The following POLE2 variants were observed in gnomAD, a reference collection of about 807,000 sequenced individuals.
POLE2 encodes DNA polymerase epsilon subunit 2.
POLE2 carries 56 observed loss-of-function variants against 79.4 expected under a neutral mutation model. The ratio of observed to expected loss-of-function variants is 0.71; its 90% CI spans 0.57 to 0.88. The LOEUF (loss-of-function observed/expected upper bound fraction) is 0.88, where lower values mean the gene tolerates loss of function less well. Ranked by LOEUF, POLE2 falls within the 40% of genes least tolerant of loss-of-function variation. The pLI, the probability that POLE2 is intolerant of heterozygous loss-of-function variation, is 0.00. For synonymous variants in POLE2, 212 were observed against 214.0 expected (o/e 0.99, Z 0.08); for missense variants, 598 against 638.9 (o/e 0.94, Z 0.69).
Position 49,651,515 on chromosome 14 carries a change from C to T in POLE2, c.1212-138G>A, listed in dbSNP as rs558543266. On this transcript the variant is annotated intron_variant, in intron 15 of 18. Coordinates refer to ENST00000216367, the MANE Select transcript of POLE2 (RefSeq NM_002692.4). The stretch of plus-strand genomic sequence containing the variant: ...AAACTTCAACCAGAGTCTGTCTATT[C>T]ATCTATTCATTTAACAGCTATGTAT... The T allele has an allele frequency of 4.4e-4, 220 of 499,560 alleles. 3 individuals are homozygous for T. The South Asian group carries it at 7.3e-3, about 16-fold the overall frequency. The allele number at this position is 499,560 out of a possible 1,614,324, so 30.9% of individuals were successfully genotyped here. A position where few individuals can be genotyped will look rare whatever the true frequency, so the allele number is the denominator to read the frequency against.
chr14:49,644,362 T>C, intron 18 of POLE2, among the ~76,000 whole-genome samples: 1 of 150,832 alleles, frequency 6.6e-6, no homozygotes, highest in East Asian at 2.0e-4. Context: ...AATAAAAAAT[T>C]AGCCAGGTAT....
At chr14:49,650,955 G>T (rs1009298032) in intron 16 of POLE2, among the ~76,000 whole-genome samples, 28 of 152,038 alleles carry the variant, frequency 1.8e-4, no homozygotes, top group African/African-American at 6.5e-4. Context: ...GGATAAATAA[G>T]AACAGTTTAT....
At chr14:49,647,073 C>G (rs1450460092) in intron 18 of POLE2, 1 of 359,476 alleles carries the variant, frequency 2.8e-6, no homozygotes, top group Non-Finnish European at 5.0e-6. Context: ...TGAGATTTCC[C>G]CCAGAAAACA....
intron 5 of POLE2, among the ~76,000 whole-genome samples, chr14:49,671,981 G>T (rs970824344): frequency 6.6e-6 from 1 of 151,950 alleles, no homozygotes; most frequent in African/African-American, 2.4e-5. Context: ...AAAAGAAAAA[G>T]ACTGCATCCA....
intron 3 of POLE2, chr14:49,677,864 G>A: frequency 2.4e-6 from 1 of 416,946 alleles, no homozygotes. Context: ...GCAGCCCCCA[G>A]CTCCTGGCCA....
At chr14:49,674,270 A>G in intron 4 of POLE2, 54 bp from the exon 5 acceptor site, 3 of 1,472,106 alleles carry the variant, frequency 2.0e-6, no homozygotes, top group South Asian at 1.1e-5. Context: ...AGGTGAGCCA[A>G]AAGTGAAGCA....
chr14:49,647,861 G>T (rs45585747), intron 17 of POLE2, among the ~76,000 whole-genome samples: 16 of 152,140 alleles, frequency 1.1e-4, no homozygotes, highest in African/African-American at 3.9e-4. Flanking sequence ...ATTTTTACAC[G>T]ATCTTTTTAC....
chr14:49,652,927 G>A, intron 15 of POLE2, among the ~76,000 whole-genome samples: 1 of 152,096 alleles, frequency 6.6e-6, no homozygotes, highest in Admixed American at 6.6e-5. Flanking sequence ...TGTGGTAGAG[G>A]GTTGTGGAGG....
In POLE2 at chr14:49,654,043, A is replaced by G; in HGVS notation, c.1158T>C (p.Thr386=). 1 of 1,601,754 alleles carries G rather than the reference A, an allele frequency of 6.2e-7. No homozygotes were observed. The change falls in exon 15 of 19, where the codon ACT becomes ACC. Residue 386 remains threonine (T), a synonymous_variant. Transcript: ENST00000216367. ...ATGGTACCCTTTGTCTGAATTCATT[A>G]GTGATGCTTTCAGCAAGTGGTGGCC... ...LPRPPLAESI[T]NEFRQRVPFS... is the part of the protein sequence containing the mutation.
chr14:49,665,428 A>G (rs1428140662), intron 7 of POLE2, among the ~76,000 whole-genome samples: 2 of 152,210 alleles, frequency 1.3e-5, no homozygotes, highest in Non-Finnish European at 2.9e-5. Flanking sequence ...GATGTCTGCC[A>G]TAAGGAGGGT....
chr14:49,645,994 G>T (rs7147722), intron 18 of POLE2, among the ~76,000 whole-genome samples: 62,263 of 152,056 alleles, frequency 0.41, 14,937 homozygotes, highest in Non-Finnish European at 0.54. Flanking sequence ...CATTCTAACA[G>T]TGGATAAGAC....
intron 2 of POLE2, among the ~76,000 whole-genome samples, chr14:49,680,248 G>A (rs541930567): frequency 1.8e-4 from 28 of 152,132 alleles, no homozygotes; most frequent in Non-Finnish European, 3.7e-4. Context: ...TACTCAGGAG[G>A]CCAAGATGGG....
chr14:49,644,232 C>T (rs1453390370), intron 18 of POLE2, among the ~76,000 whole-genome samples: 6 of 148,980 alleles, frequency 4.0e-5, no homozygotes, highest in Non-Finnish European at 7.4e-5. Context: ...AAAAAGTAGC[C>T]GGGCGCGGTG....
intron 7 of POLE2, 115 bp downstream of exon 7, chr14:49,666,215 T>A: frequency 1.5e-6 from 1 of 646,450 alleles, no homozygotes; most frequent in East Asian, 3.0e-5. Context: ...GTTCTGTTGG[T>A]GAGGCGAGTT....
chr14:49,663,416 G>C (rs1308638869), intron 9 of POLE2, 29 bp from the exon 10 acceptor site: 1 of 1,498,358 alleles, frequency 6.7e-7, no homozygotes, highest in East Asian at 2.3e-5. Context: ...ACTTTCATTT[G>C]TCTAATCCTC....
At chr14:49,656,789 A>G (rs1357866600) in intron 10 of POLE2, among the ~76,000 whole-genome samples, 3 of 152,060 alleles carry the variant, frequency 2.0e-5, no homozygotes, top group Non-Finnish European at 2.9e-5. Flanking sequence ...TCTCATAGGA[A>G]CCTGTACTTC....
At position 49,655,753 on chromosome 14, in the gene POLE2, A is replaced by T; in HGVS notation, c.846T>A (p.Asn282Lys). Residue 282 changes from asparagine (N) to lysine (K), a missense_variant, in exon 11 of 19, where the codon AAT (asparagine) becomes AAA (lysine). Coordinates refer to ENST00000216367, the MANE Select transcript of POLE2 (RefSeq NM_002692.4). Reference sequence around the variant, plus strand: ...ATAAAAACACAAACATAGCATCTTTATTCTCCTCTTCTAGCTGTTTTAGTT... The same window carrying T: ...ATAAAAACACAAACATAGCATCTTTTTTCTCCTCTTCTAGCTGTTTTAGTT... The part of the protein sequence containing the change: ...SAKLKQLEEE[N>K]KDAMFVFLSD... The T allele has an allele frequency of 6.3e-7, 1 of 1,578,282 alleles. No individual in the cohort carries two copies. Among genetic ancestry groups the T allele is most frequent in the Non-Finnish European group, 8.7e-7 (1 of 1,148,108 alleles).
chr14:49,653,922 T>A, intron 15 of POLE2, 68 bp downstream of exon 15: 1 of 906,298 alleles, frequency 1.1e-6, no homozygotes, highest in Non-Finnish European at 1.7e-6. Flanking sequence ...ATTACAGACA[T>A]GAGCCACCAC....
chr14:49,671,094 T>C (rs779030406), intron 5 of POLE2, among the ~76,000 whole-genome samples: 5 of 152,182 alleles, frequency 3.3e-5, no homozygotes, highest in African/African-American at 4.8e-5. Flanking sequence ...ACCTGTTTAT[T>C]TCACAGATGA....
Sources: allele counts gnomAD v4.1 joint callset (sites outside exome capture counted in the v4.1 genomes callset), GRCh38; gene constraint gnomAD v4.1.1; transcripts MANE v1.5; gene names NCBI Gene and HGNC (gene_info 2026-07-23, HGNC 2026-07-21).